Variants in DNAH5 observed in about 807,000 individuals in gnomAD.
DNAH5 encodes the protein dynein axonemal heavy chain 5.
DNAH5 carries 372 observed loss-of-function variants against 518.2 expected under a neutral mutation model. The observed-to-expected ratio is 0.72, with a 90% CI of 0.66 to 0.78. The LOEUF is 0.78. DNAH5 is among the 30% of genes least tolerant of loss of function. The probability of loss-of-function intolerance (pLI) is 0.00; values close to 1 mark genes in which losing one functional copy is unlikely to be tolerated. For synonymous variants in DNAH5, 2,039 were observed against 2,025.9 expected (o/e 1.01, Z -0.17); for missense variants, 5,523 against 5,687.0 (o/e 0.97, Z 0.93).
At chr5:13,975,175 C>A (rs961608037) in intron 1 of DNAH5, among the ~76,000 whole-genome samples, 4 of 152,152 alleles carry the variant, frequency 2.6e-5, no homozygotes, top group East Asian at 1.9e-4. Flanking sequence ...CTGGGGAGCC[C>A]TCACAATTAT....
intron 65 of DNAH5, among the ~76,000 whole-genome samples, chr5:13,738,686 G>A (rs867706488): frequency 2.0e-5 from 3 of 152,240 alleles, no homozygotes; most frequent in East Asian, 1.9e-4. Flanking sequence ...GGAGAAATAC[G>A]TGTGACACCA....
chr5:13,952,105 A>G (rs1378298049), intron 1 of DNAH5, among the ~76,000 whole-genome samples: 2 of 139,278 alleles, frequency 1.4e-5, no homozygotes, highest in Non-Finnish European at 3.1e-5. Flanking sequence ...CAGGGCCTCT[A>G]ACATCACCCC....
intron 77 of DNAH5, 68 bp from the exon 78 acceptor site, chr5:13,700,939 AATGAAAGCTT>A (rs1298740276): frequency 1.3e-6 from 2 of 1,494,166 alleles, no homozygotes; most frequent in Non-Finnish European, 1.9e-6. Flanking sequence ...GCATAACAAT[AATGAAAGCTT>A]GGCTCCGAAT....
intron 70 of DNAH5, among the ~76,000 whole-genome samples, chr5:13,723,090 T>C (rs1219379709): frequency 6.6e-6 from 1 of 152,232 alleles, no homozygotes; most frequent in East Asian, 1.9e-4. Flanking sequence ...TTCAGTCCAG[T>C]TGAATTTGAG....
intron 1 of DNAH5, among the ~76,000 whole-genome samples, chr5:13,995,646 A>G (rs1023374756): frequency 1.3e-5 from 2 of 152,202 alleles, no homozygotes; most frequent in South Asian, 4.1e-4. Context: ...AAAAAGTAGC[A>G]AAATGTTTTA....
chr5:13,700,946 G>T, intron 77 of DNAH5, 75 bp from the exon 78 acceptor site: 2 of 1,438,546 alleles, frequency 1.4e-6, no homozygotes, highest in Non-Finnish European at 9.8e-7. Flanking sequence ...AATAATGAAA[G>T]CTTGGCTCCG....
intron 22 of DNAH5, among the ~76,000 whole-genome samples, chr5:13,874,871 C>T (rs111400520): frequency 2.6e-5 from 4 of 152,040 alleles, no homozygotes; most frequent in Admixed American, 6.6e-5. Context: ...AACCTATGGG[C>T]ATGCTAAAGG....
At chr5:14,009,932 A>T (rs1040975640) in intron 1 of DNAH5, among the ~76,000 whole-genome samples, 1 of 152,254 alleles carries the variant, frequency 6.6e-6, no homozygotes, top group African/African-American at 2.4e-5. Context: ...ACTATAAATT[A>T]TGTATGTATA....
intron 59 of DNAH5, among the ~76,000 whole-genome samples, chr5:13,763,230 T>C (rs1043538451): frequency 6.6e-6 from 1 of 152,176 alleles, no homozygotes; most frequent in Non-Finnish European, 1.5e-5. Context: ...ATAAAGATTT[T>C]TTGTCATTAA....
intron 21 of DNAH5, among the ~76,000 whole-genome samples, chr5:13,880,824 C>T (rs1406171612): frequency 6.6e-6 from 1 of 151,776 alleles, no homozygotes; most frequent in Non-Finnish European, 1.5e-5. Flanking sequence ...AAGTCTGTAC[C>T]TATCAACAAT....
intron 50 of DNAH5, among the ~76,000 whole-genome samples, chr5:13,791,747 T>C (rs1757025563): frequency 6.6e-6 from 1 of 152,210 alleles, no homozygotes. Context: ...TTTATTCTTT[T>C]CATTAAAAAA....
chr5:13,998,707 A>T (rs1469979893), intron 1 of DNAH5, among the ~76,000 whole-genome samples: 1 of 152,242 alleles, frequency 6.6e-6, no homozygotes, highest in Admixed American at 6.5e-5. Flanking sequence ...GAAAATGCCT[A>T]GCATATTCTT....
rs925849380 is a variant in DNAH5, at chr5:14,007,347, GT to G, written c.12+4300del. On this transcript the variant is annotated intron_variant, in intron 1 of 78. Coordinates refer to the DNAH5 transcript ENST00000681290. Reference sequence around the variant, plus strand: ...TTCAGCCTTCCAAGAGTATGACTTTGTTTTTTTTTCCAATGTCCAAGCAGTC... The same window carrying G: ...TTCAGCCTTCCAAGAGTATGACTTTGTTTTTTTTCCAATGTCCAAGCAGTC... Among the ~76,000 whole-genome samples the G allele has an allele frequency of 2.6e-4, 39 of 151,174 alleles. 1 individual carries two copies. Among genetic ancestry groups the G allele is most frequent in the Admixed American group, 5.3e-4 (8 of 15,146 alleles).
chr5:13,740,608 C>G (rs1456935701), intron 65 of DNAH5, among the ~76,000 whole-genome samples: 1 of 152,226 alleles, frequency 6.6e-6, no homozygotes, highest in Non-Finnish European at 1.5e-5. Context: ...CACTTCTAAT[C>G]CCATGTGATG....
In DNAH5 at chr5:14,008,845, T is replaced by A. The variant is rs539144083; in HGVS notation, c.12+2803A>T. On this transcript the variant is annotated intron_variant, in intron 1 of 78. Coordinates refer to the DNAH5 transcript ENST00000681290. ...TTTTCTCAACTCCAGCCTCACTTCC[T>A]AAGCATTTTCTCTAGAGAGAGGTAA... is the stretch of plus-strand genomic sequence containing the variant. Among the ~76,000 whole-genome samples the A allele has an allele frequency of 5.8e-4, 88 of 152,334 alleles. 1 individual carries two copies. In the South Asian group the frequency reaches 0.017, roughly 30 times the overall value.
chr5:13,891,001 C>CTG lies in DNAH5; in HGVS notation c.2551_2552insCA (p.Cys851SerfsTer8). On this transcript the variant is annotated frameshift_variant, in exon 17 of 79. Coordinates refer to ENST00000265104, the MANE Select transcript of DNAH5 (RefSeq NM_001369.3). LOFTEE classifies it high-confidence loss of function. ...CTTTGTCATTTGGAGAAACTCTTCA[C>CTG]AGGTTAGTGGCTCCTCCTGGGGAAG... 1 of 1,614,124 alleles carries CTG rather than the reference C, an allele frequency of 6.2e-7. No homozygotes were observed. The highest frequency in any genetic ancestry group is 8.5e-7 in the Non-Finnish European group (1 of 1,180,006).
intron 68 of DNAH5, among the ~76,000 whole-genome samples, chr5:13,732,537 T>C (rs1175646392): frequency 6.6e-6 from 1 of 152,102 alleles, no homozygotes; most frequent in East Asian, 1.9e-4. Context: ...TGGCTAATTT[T>C]TTTTGTATTT....
In DNAH5 at chr5:13,824,238, A is replaced by G. The variant is rs1762603808; in HGVS notation, c.6540T>C (p.Ile2180=). 2 of 1,614,018 alleles carry G rather than the reference A, an allele frequency of 1.2e-6. No homozygotes were observed. Among genetic ancestry groups the G allele is most frequent in the Non-Finnish European group, 8.5e-7 (1 of 1,179,998 alleles). ...RANPMDTEST[I]VMRVLRDMNL... is the part of the protein sequence containing the mutation. Reference sequence around the variant, plus strand: ...TCATGTCCCGTAGTACACGCATGACAATCGTGGACTCCGTATCCATTGGAT... The same window carrying G: ...TCATGTCCCGTAGTACACGCATGACGATCGTGGACTCCGTATCCATTGGAT... The change falls in exon 39 of 79, where the codon ATT becomes ATC. Residue 2180 remains isoleucine (I), a synonymous_variant. Transcript: ENST00000265104.
At chr5:13,756,665 T>C (rs566047637) in intron 61 of DNAH5, among the ~76,000 whole-genome samples, 34 of 152,352 alleles carry the variant, frequency 2.2e-4, no homozygotes, top group South Asian at 4.1e-4. Context: ...TTATGAGGCA[T>C]AAGTATATAA....
Sources: gnomAD v4.1 joint callset for allele counts (sites outside exome capture counted in the v4.1 genomes callset) on GRCh38, gnomAD v4.1.1 for gene constraint, MANE v1.5 for transcripts, NCBI Gene and HGNC (gene_info 2026-07-23, HGNC 2026-07-21) for gene names.